ANKS1B: variants seen among roughly 807,000 people sequenced by gnomAD.
The protein encoded by ANKS1B is ankyrin repeat and sterile alpha motif domain containing 1B, also known as ankyrin repeat and sterile alpha motif domain-containing protein 1B.
Under a neutral mutation model 148.3 loss-of-function variants are expected in ANKS1B, and 36 were observed. That is an observed-to-expected ratio of 0.24 (90% CI 0.19 to 0.32). The LOEUF is 0.32. ANKS1B is among the 10% of genes least tolerant of loss of function. The probability of loss-of-function intolerance (pLI) is 1.00; values close to 1 mark genes in which losing one functional copy is unlikely to be tolerated. For synonymous variants in ANKS1B, 542 were observed against 560.8 expected, an observed-to-expected ratio of 0.97 and a Z score of 0.47; for missense variants, 1,157 against 1,542.6, an observed-to-expected ratio of 0.75 and a Z score of 4.19.
intron 11 of ANKS1B, among the ~76,000 whole-genome samples, chr12:99,422,861 T>C (rs2095133297): frequency 6.6e-6 from 1 of 152,068 alleles, no homozygotes; most frequent in Non-Finnish European, 1.5e-5. Context: ...AGAGTAAAAA[T>C]TTCCTACAAA....
At chr12:99,098,845 A>C (rs541082716) in intron 15 of ANKS1B, among the ~76,000 whole-genome samples, 1 of 149,382 alleles carries the variant, frequency 6.7e-6, no homozygotes, top group East Asian at 2.0e-4. Flanking sequence ...AGGGTCCCAT[A>C]CTCTACAGGC....
chr12:99,722,731 G>C (rs1246571424), intron 8 of ANKS1B, among the ~76,000 whole-genome samples: 1 of 152,200 alleles, frequency 6.6e-6, no homozygotes. Flanking sequence ...GTGGGACCAA[G>C]ATGGCCAACT....
At chr12:99,505,624 T>C (rs1333035034) in intron 9 of ANKS1B, among the ~76,000 whole-genome samples, 1 of 148,166 alleles carries the variant, frequency 6.7e-6, no homozygotes, top group Non-Finnish European at 1.5e-5. Flanking sequence ...ATATAGCATA[T>C]TTATATATTA....
chr12:98,851,402 G>A (rs1199449681), intron 17 of ANKS1B, among the ~76,000 whole-genome samples: 1 of 151,918 alleles, frequency 6.6e-6, no homozygotes, highest in Non-Finnish European at 1.5e-5. Flanking sequence ...CAAGTAAAGA[G>A]CTATAGGAAG....
At chr12:99,000,570 G>C (rs185310245) in intron 17 of ANKS1B, among the ~76,000 whole-genome samples, 253 of 152,234 alleles carry the variant, frequency 1.7e-3, no homozygotes, top group Non-Finnish European at 3.0e-3. Context: ...TGCTCGGCCA[G>C]GGCCTTCTTT....
rs915157409 is a variant in ANKS1B, at chr12:99,302,976, T to G, written c.1757-56112A>C. Among the ~76,000 whole-genome samples the G allele has an allele frequency of 1.1e-4, 16 of 152,274 alleles. 1 individual carries two copies. The highest frequency in any genetic ancestry group is 3.8e-4 in the African/African-American group (16 of 41,562). On this transcript the variant is annotated intron_variant, in intron 12 of 26. Coordinates refer to ENST00000683438, the MANE Select transcript of ANKS1B (RefSeq NM_001352186.2). ...AGATTAGTTATTATGTTCTTTAGGC[T>G]AATTGAGTTCAAATGTTGGCTTTTA... is the stretch of plus-strand genomic sequence containing the variant.
chr12:99,217,387 T>TGCCCTAAAGCTAA (rs1407313582), intron 14 of ANKS1B, among the ~76,000 whole-genome samples: 1 of 151,990 alleles, frequency 6.6e-6, no homozygotes, highest in East Asian at 1.9e-4. Context: ...AATGGTGTCT[T>TGCCCTAAAGCTAA]GCCCTAAAGC....
Position 99,287,058 on chromosome 12 carries a change from G to A in ANKS1B, c.1757-40194C>T, listed in dbSNP as rs375854946. On this transcript the variant is annotated intron_variant, in intron 12 of 26. Transcript: ENST00000683438. ...AGCCTTTGAGTCTTGAGTGAGCATC[G>A]GTGGTAGCCAGGCAGTGGACACCTC... Among the ~76,000 whole-genome samples the A allele has an allele frequency of 1.4e-4, 21 of 152,148 alleles. No homozygotes were observed. The South Asian group carries it at 3.9e-3, about 29-fold the overall frequency.
chr12:98,735,753 C>A, intron 9 of ANKS1B: 1 of 496,056 alleles, frequency 2.0e-6, no homozygotes, highest in South Asian at 3.4e-5. Flanking sequence ...CAGGAGTGAG[C>A]AAAACAAAAG....
rs189743828 is a variant in ANKS1B, at chr12:99,428,223, G to T, written c.1575+15450C>A. Among the ~76,000 whole-genome samples, 8 of 152,206 alleles carry T rather than the reference G, an allele frequency of 5.3e-5. No individual in the cohort carries two copies. In the East Asian group the frequency reaches 1.4e-3, roughly 26 times the overall value. On this transcript the variant is annotated intron_variant, in intron 11 of 26. Transcript: ENST00000683438. ...GGAGGGCAGCCAGGGTAGAGTCAAG[G>T]CACTGTAAAGGTGAGAAGGGTATCC...
intron 14 of ANKS1B, among the ~76,000 whole-genome samples, chr12:99,163,420 A>G (rs570633188): frequency 1.3e-4 from 20 of 152,074 alleles, no homozygotes; most frequent in Non-Finnish European, 2.8e-4. Context: ...TTGGCACTGA[A>G]AAAAATCCAC....
At chr12:99,869,971 G>A (rs1361004487) in intron 1 of ANKS1B, among the ~76,000 whole-genome samples, 5 of 151,118 alleles carry the variant, frequency 3.3e-5, no homozygotes, top group East Asian at 3.9e-4. Context: ...TTTTAGATTC[G>A]GGGTAGATGT....
chr12:98,884,879 CCCCTGAG>C (rs1355441964), intron 17 of ANKS1B, among the ~76,000 whole-genome samples: 1 of 151,138 alleles, frequency 6.6e-6, no homozygotes, highest in Non-Finnish European at 1.5e-5. Flanking sequence ...CCTGATCTTT[CCCCTGAG>C]TTCCAGACTA....
chr12:99,866,811 T>C (rs2153723766), intron 1 of ANKS1B, among the ~76,000 whole-genome samples: 1 of 152,282 alleles, frequency 6.6e-6, no homozygotes, highest in African/African-American at 2.4e-5. Flanking sequence ...CTGAAAAATG[T>C]AGTGATCACC....
At chr12:99,392,555 G>C (rs947338733) in intron 12 of ANKS1B, among the ~76,000 whole-genome samples, 5 of 152,170 alleles carry the variant, frequency 3.3e-5, no homozygotes, top group Non-Finnish European at 7.3e-5. Flanking sequence ...AGTTACCCAA[G>C]GTAGTTGACT....
intron 2 of ANKS1B, among the ~76,000 whole-genome samples, chr12:99,818,690 CA>C (rs1332890127): frequency 6.6e-6 from 1 of 151,336 alleles, no homozygotes; most frequent in Non-Finnish European, 1.5e-5. Context: ...TTCCATTTCC[CA>C]AAAACAAAGT....
intron 14 of ANKS1B, among the ~76,000 whole-genome samples, chr12:99,202,845 G>T (rs187952937): frequency 3.0e-3 from 454 of 152,230 alleles, no homozygotes; most frequent in South Asian, 8.7e-3. Flanking sequence ...CATGCCACTT[G>T]GGGACACTAG....
At chr12:98,800,673 G>GATAT (rs753914387) in intron 21 of ANKS1B, among the ~76,000 whole-genome samples, 2 of 13,732 alleles carry the variant, frequency 1.5e-4, no homozygotes, top group African/African-American at 3.7e-4. Flanking sequence ...TGAGTGAGCA[G>GATAT]AGATATATAT....
intron 9 of ANKS1B, among the ~76,000 whole-genome samples, chr12:99,552,792 C>G (rs376596911): frequency 6.6e-6 from 1 of 152,080 alleles, no homozygotes; most frequent in East Asian, 1.9e-4. Flanking sequence ...TACATATAAC[C>G]TATGAACATG....
Sources: allele counts gnomAD v4.1 joint callset (sites outside exome capture counted in the v4.1 genomes callset), GRCh38; gene constraint gnomAD v4.1.1; transcripts MANE v1.5; gene names NCBI Gene and HGNC (gene_info 2026-07-23, HGNC 2026-07-21).